The following ANKRD46 variants were observed in gnomAD, a reference collection of about 807,000 sequenced individuals.
The protein encoded by ANKRD46 is ankyrin repeat domain 46.
A neutral mutation model predicts 19.8 loss-of-function variants in ANKRD46; 13 were observed. The observed-to-expected ratio is 0.66, with a 90% confidence interval of 0.43 to 1.04. The LOEUF is 1.04. Among genes scored for constraint, ANKRD46 ranks in the 50% least tolerant of loss-of-function variants. ANKRD46 has a pLI of 0.00. For missense variants in ANKRD46, 185 were observed against 274.8 expected (o/e 0.67, Z 2.31); for synonymous variants, 91 against 106.9 (o/e 0.85, Z 0.92).
rs542885167 is a variant in ANKRD46, at chr8:100,511,632, T to C, written c.637-993A>G. On this transcript the variant is annotated intron_variant, in intron 5 of 5. Transcript: ENST00000520552. This position sits in a 1 kb window ranked among gnomAD's most constrained non-coding sequence, Gnocchi z 4.1. Reference sequence around the variant, plus strand: ...TTGACATTGAAATAAGTTGACTGTCTGTATTTATTCCATGGCTGGGAATGT... The same window carrying C: ...TTGACATTGAAATAAGTTGACTGTCCGTATTTATTCCATGGCTGGGAATGT... 6.6e-6 allele frequency among the ~76,000 whole-genome samples: 1 copy of C among 152,376 alleles called. No homozygotes were observed. The highest frequency in any genetic ancestry group is 2.1e-4 in the South Asian group (1 of 4,832).
Position 100,520,935 on chromosome 8 carries a change from G to T in ANKRD46, c.*1620C>A. 3.0e-6 allele frequency: 3 copies of T among 984,716 alleles called. No homozygotes were observed. Among genetic ancestry groups the T allele is most frequent in the Non-Finnish European group, 1.2e-6 (1 of 829,404 alleles). The allele number at this position is 984,716 out of a possible 1,614,324, so 61.0% of individuals were successfully genotyped here. A position where few individuals can be genotyped will look rare whatever the true frequency, so the allele number is the denominator to read the frequency against. On this transcript the variant is annotated 3_prime_UTR_variant, in exon 5 of 5. Coordinates refer to ENST00000335659, the MANE Select transcript of ANKRD46 (RefSeq NM_001270377.2). ...TATTTGTTTAGATTTACAAACAAATGTAAAGCTAATTCCAAAGTTTTCTTC... is the reference window on the plus strand; with the variant it reads ...TATTTGTTTAGATTTACAAACAAATTTAAAGCTAATTCCAAAGTTTTCTTC...
chr8:100,535,359 T>C (rs1339549330), intron 1 of ANKRD46, among the ~76,000 whole-genome samples: 1 of 152,242 alleles, frequency 6.6e-6, no homozygotes, highest in Admixed American at 6.5e-5. Context: ...TATAAATTCA[T>C]ATGCAGTTGT....
Position 100,540,963 on chromosome 8 carries a change from T to C in ANKRD46, c.-130-7652A>G, listed in dbSNP as rs552719422. 1.0e-3 allele frequency among the ~76,000 whole-genome samples: 158 copies of C among 150,922 alleles called. 2 individuals are homozygous for C. The highest frequency in any genetic ancestry group is 1.6e-3 in the Non-Finnish European group (112 of 67,880). On this transcript the variant is annotated intron_variant, in intron 1 of 4. Coordinates refer to ENST00000335659, the MANE Select transcript of ANKRD46 (RefSeq NM_001270377.2). ...TAGTTGCAACAGCACTTTATTTATATGGCCTAAGGGTGCCACCTTGTGGCC... is the reference window on the plus strand; with the variant it reads ...TAGTTGCAACAGCACTTTATTTATACGGCCTAAGGGTGCCACCTTGTGGCC...
chr8:100,541,015 C>T (rs1470981093), intron 1 of ANKRD46, among the ~76,000 whole-genome samples: 1 of 149,212 alleles, frequency 6.7e-6, no homozygotes, highest in African/African-American at 2.5e-5. Flanking sequence ...TCAACTTCAG[C>T]ATCTAGTATG....
Position 100,558,411 on chromosome 8 carries a change from A to T in ANKRD46, c.-131+1300T>A, listed in dbSNP as rs561242887. ...GTGAACTCACTAAAAAATGGTATGG[A>T]AACATAAATAATGAAGAAATGTAAT... On this transcript the variant is annotated intron_variant, in intron 1 of 4. Transcript: ENST00000335659. Among the ~76,000 whole-genome samples, 6 of 152,232 alleles carry T rather than the reference A, an allele frequency of 3.9e-5. No homozygotes were observed. In the South Asian group the frequency reaches 1.0e-3, roughly 26 times the overall value.
At chr8:100,553,304 G>C (rs1299893688) in intron 1 of ANKRD46, among the ~76,000 whole-genome samples, 1 of 152,244 alleles carries the variant, frequency 6.6e-6, no homozygotes, top group Admixed American at 6.5e-5. Flanking sequence ...AGACTGAGGA[G>C]AGGGCAGAGG....
At chr8:100,531,931 G>A (rs1440092556) in intron 2 of ANKRD46, among the ~76,000 whole-genome samples, 1 of 152,166 alleles carries the variant, frequency 6.6e-6, no homozygotes, top group Non-Finnish European at 1.5e-5. Flanking sequence ...CAATCATTAG[G>A]TCATTGCAGC....
intron 1 of ANKRD46, chr8:100,551,667 G>T: frequency 1.5e-6 from 1 of 651,628 alleles, no homozygotes; most frequent in South Asian, 1.4e-5. Flanking sequence ...GTGACCAGGT[G>T]CCCAATATGG....
intron 5 of ANKRD46, among the ~76,000 whole-genome samples, chr8:100,512,697 A>G (rs1309640375): frequency 6.6e-6 from 1 of 152,188 alleles, no homozygotes; most frequent in East Asian, 1.9e-4. Context: ...ACTGACTCTT[A>G]GTTCTGAGAG....
At chr8:100,538,525 A>G (rs1229854388) in intron 1 of ANKRD46, among the ~76,000 whole-genome samples, 1 of 152,160 alleles carries the variant, frequency 6.6e-6, no homozygotes, top group Non-Finnish European at 1.5e-5. Flanking sequence ...CAGGGACTTG[A>G]GCATCTGTGA....
At position 100,537,206 on chromosome 8, in the gene ANKRD46, C is replaced by G. The variant is rs148141173; in HGVS notation, c.-130-3895G>C. Reference sequence around the variant, plus strand: ...CTTATAACTAAAAATTGTTCTATATCCAATATCAACAAGAATACATAATAG... The same window carrying G: ...CTTATAACTAAAAATTGTTCTATATGCAATATCAACAAGAATACATAATAG... On this transcript the variant is annotated intron_variant, in intron 1 of 4. Coordinates refer to ENST00000335659, the MANE Select transcript of ANKRD46 (RefSeq NM_001270377.2). This position sits in a 1 kb window ranked among gnomAD's most constrained non-coding sequence, Gnocchi z 4.2. 6.6e-6 allele frequency among the ~76,000 whole-genome samples: 1 copy of G among 152,040 alleles called. No individual in the cohort carries two copies. The highest frequency in any genetic ancestry group is 1.5e-5 in the Non-Finnish European group (1 of 68,000).
At chr8:100,514,798 C>A (rs913511004) in intron 5 of ANKRD46, among the ~76,000 whole-genome samples, 1 of 151,780 alleles carries the variant, frequency 6.6e-6, no homozygotes, top group African/African-American at 2.4e-5. Flanking sequence ...TGCCACCACA[C>A]CCGGCTAATT....
chr8:100,531,319 C>G (rs80228064), intron 2 of ANKRD46, among the ~76,000 whole-genome samples: 3,738 of 152,240 alleles, frequency 0.025, 165 homozygotes, highest in African/African-American at 0.083. Flanking sequence ...ACTGATGGAA[C>G]TGGACGCTAG....
In ANKRD46 at chr8:100,514,617, CTTTTTTTTTT is replaced by C. The variant is rs35216029; in HGVS notation, c.637-3988_637-3979del. 1.1e-4 allele frequency among the ~76,000 whole-genome samples: 8 copies of C among 74,034 alleles called. 1 individual carries two copies. The highest frequency in any genetic ancestry group is 2.8e-4 in the African/African-American group (5 of 17,826). 48.6% of individuals were successfully genotyped at this position (74,034 alleles called of 152,430 possible). A position where few individuals can be genotyped will look rare whatever the true frequency, so the allele number is the denominator to read the frequency against. ...TGAGTGTGGGTTATTCCTCCATCTT[CTTTTTTTTTT>C]TTTTTTTTTTTTGAGATAGAGTCTC... On this transcript the variant is annotated intron_variant, in intron 5 of 5. Transcript: ENST00000520552.
Position 100,532,002 on chromosome 8 carries a change from G to A in ANKRD46, c.-28+1207C>T, listed in dbSNP as rs893536546. 5.3e-5 allele frequency among the ~76,000 whole-genome samples: 8 copies of A among 152,140 alleles called. No homozygotes were observed. In the South Asian group the frequency reaches 1.7e-3, roughly 31 times the overall value. On this transcript the variant is annotated intron_variant, in intron 2 of 4. Coordinates refer to ENST00000335659, the MANE Select transcript of ANKRD46 (RefSeq NM_001270377.2). This position sits in a 1 kb window ranked among gnomAD's most constrained non-coding sequence, Gnocchi z 4.7. ...GTGGCAGGCAGAAGGGGACGCACTGGAGAGGAACAGAGAAGACAGAATTAG... is the reference window on the plus strand; with the variant it reads ...GTGGCAGGCAGAAGGGGACGCACTGAAGAGGAACAGAGAAGACAGAATTAG...
chr8:100,529,885 T>C lies in ANKRD46; in HGVS notation c.-27-25A>G. 6.5e-7 allele frequency: 1 copy of C among 1,547,066 alleles called. No individual in the cohort carries two copies. Among genetic ancestry groups the C allele is most frequent in the Non-Finnish European group, 8.8e-7 (1 of 1,134,450 alleles). The stretch of plus-strand genomic sequence containing the variant: ...CCTGTAATGAAATAGGTGAGTGAGA[T>C]TCCATGAAGACAAATGAAATCAAGA... On this transcript the variant is annotated intron_variant, in intron 2 of 4. Coordinates refer to ENST00000335659, the MANE Select transcript of ANKRD46 (RefSeq NM_001270377.2). The surrounding 1 kb of genome is among the most constrained non-coding windows in gnomAD (Gnocchi z 5.8).
chr8:100,520,720 C>T, downstream of ANKRD46: 1 of 826,468 alleles, frequency 1.2e-6, no homozygotes, highest in Non-Finnish European at 1.4e-6. Context: ...ACAAAATCCC[C>T]AAATTAAAAC....
downstream of ANKRD46, among the ~76,000 whole-genome samples, chr8:100,519,776 T>A (rs1287090278): frequency 6.6e-6 from 1 of 152,144 alleles, no homozygotes; most frequent in Non-Finnish European, 1.5e-5. Context: ...TGCCAGCCTG[T>A]ATAGTTCGTT....
rs1447041801 is a variant in ANKRD46, at chr8:100,545,329, T to A, written c.-130-12018A>T. Among the ~76,000 whole-genome samples the A allele has an allele frequency of 2.6e-5, 4 of 152,036 alleles. No individual in the cohort carries two copies. On this transcript the variant is annotated intron_variant, in intron 1 of 4. Coordinates refer to ENST00000335659, the MANE Select transcript of ANKRD46 (RefSeq NM_001270377.2). This position sits in a 1 kb window ranked among gnomAD's most constrained non-coding sequence, Gnocchi z 4.7. ...AGGAAGGGACCTGGTGGGAGGTGAATGGAGCATGGGGGTGGTTACCCCCAT... is the reference window on the plus strand; with the variant it reads ...AGGAAGGGACCTGGTGGGAGGTGAAAGGAGCATGGGGGTGGTTACCCCCAT...
Sources: gnomAD v4.1 joint callset for allele counts (sites outside exome capture counted in the v4.1 genomes callset) on GRCh38, gnomAD v4.1.1 for gene constraint, Gnocchi (gnomAD v3.1) non-coding constraint, MANE v1.5 for transcripts, NCBI Gene and HGNC (gene_info 2026-07-23, HGNC 2026-07-21) for gene names.